Variants in HTR2A observed in about 807,000 individuals in gnomAD.
The protein encoded by HTR2A is 5-hydroxytryptamine receptor 2A.
In HTR2A, 14 loss-of-function variants were observed where a neutral mutation model predicts 31.0. The observed-to-expected ratio is 0.45, with a 90% CI of 0.30 to 0.71. The LOEUF (loss-of-function observed/expected upper bound fraction) is 0.71, where lower values mean the gene tolerates loss of function less well. HTR2A is among the 30% of genes least tolerant of loss of function. The pLI, the probability that HTR2A is intolerant of heterozygous loss-of-function variation, is 0.09. For synonymous variants in HTR2A, 209 were observed against 225.2 expected, an observed-to-expected ratio of 0.93 and a Z score of 0.64; for missense variants, 442 against 573.3, an observed-to-expected ratio of 0.77 and a Z score of 2.34.
intron 3 of HTR2A, among the ~76,000 whole-genome samples, chr13:46,877,495 A>G (rs1950924594): frequency 6.6e-6 from 1 of 152,198 alleles, no homozygotes; most frequent in Non-Finnish European, 1.5e-5. Flanking sequence ...AAAGCAATCT[A>G]AAACTTTTGA....
intron 3 of HTR2A, among the ~76,000 whole-genome samples, chr13:46,888,266 T>C (rs1951025429): frequency 1.3e-5 from 2 of 152,140 alleles, no homozygotes; most frequent in African/African-American, 4.8e-5. Flanking sequence ...AATCAGTACA[T>C]ACACCATGCA....
At chr13:46,840,582 G>C (rs539101906) in intron 3 of HTR2A, among the ~76,000 whole-genome samples, 1 of 152,122 alleles carries the variant, frequency 6.6e-6, no homozygotes, top group African/African-American at 2.4e-5. Flanking sequence ...GGCCTACCAA[G>C]CTTAAGTAAT....
intron 3 of HTR2A, among the ~76,000 whole-genome samples, chr13:46,872,346 T>C (rs1211745230): frequency 2.6e-5 from 4 of 152,236 alleles, no homozygotes; most frequent in Admixed American, 6.5e-5. Flanking sequence ...CCACTCTGTA[T>C]ATTACAAATG....
chr13:46,888,845 A>G (rs1951029357), intron 3 of HTR2A, among the ~76,000 whole-genome samples: 1 of 152,350 alleles, frequency 6.6e-6, no homozygotes, highest in African/African-American at 2.4e-5. Context: ...TCTAAGGTCA[A>G]TAAGGAATGT....
intron 3 of HTR2A, among the ~76,000 whole-genome samples, chr13:46,887,462 CAATT>C (rs1310879827): frequency 6.7e-6 from 1 of 148,780 alleles, no homozygotes; most frequent in African/African-American, 2.5e-5. Context: ...ACACAGTACT[CAATT>C]AAAAAAATTA....
intron 3 of HTR2A, among the ~76,000 whole-genome samples, chr13:46,847,211 G>A (rs1950649308): frequency 6.6e-6 from 1 of 152,334 alleles, no homozygotes; most frequent in African/African-American, 2.4e-5. Context: ...TGTAATTGGG[G>A]CAGTGAGCGG....
intron 3 of HTR2A, among the ~76,000 whole-genome samples, chr13:46,869,283 G>C (rs951524832): frequency 6.6e-6 from 1 of 152,090 alleles, no homozygotes; most frequent in Non-Finnish European, 1.5e-5. Flanking sequence ...AATTTGAATA[G>C]GGATTTCTTC....
At chr13:46,873,062 C>A (rs574735498) in intron 3 of HTR2A, among the ~76,000 whole-genome samples, 43 of 152,230 alleles carry the variant, frequency 2.8e-4, no homozygotes, top group Admixed American at 2.6e-3. Context: ...CTGACTTTGC[C>A]TAGAAAAGTT....
At chr13:46,864,944 GT>G (rs58980985) in intron 3 of HTR2A, among the ~76,000 whole-genome samples, 143,080 of 152,060 alleles carry the variant, frequency 0.94, 67,343 homozygotes, top group South Asian at 0.98. Flanking sequence ...TTGTAAAGAG[GT>G]TTTTTTTTAG....
chr13:46,847,596 C>T (rs1444164545), intron 3 of HTR2A, among the ~76,000 whole-genome samples: 2 of 152,184 alleles, frequency 1.3e-5, no homozygotes, highest in African/African-American at 2.4e-5. Context: ...ATTCAATTAG[C>T]TTGGCACAGG....
chr13:46,868,868 TAAG>T (rs1322558645), intron 3 of HTR2A, among the ~76,000 whole-genome samples: 1 of 152,182 alleles, frequency 6.6e-6, no homozygotes. Flanking sequence ...ATATTCTTAT[TAAG>T]AAGTGTTAGA....
intron 3 of HTR2A, among the ~76,000 whole-genome samples, chr13:46,879,226 G>C (rs141650722): frequency 6.6e-6 from 1 of 152,350 alleles, no homozygotes; most frequent in East Asian, 1.9e-4. Flanking sequence ...TGTGGCTGCT[G>C]ATCCAGAGAG....
In HTR2A at chr13:46,876,566, C is replaced by T. The variant is rs915989461; in HGVS notation, c.613+15824G>A. Among the ~76,000 whole-genome samples the T allele has an allele frequency of 4.0e-5, 6 of 151,308 alleles. No homozygotes were observed. The South Asian group carries it at 6.3e-4, about 16-fold the overall frequency. ...CTGGGACTACAAGCGCCTGCCACCA[C>T]GCCCTACTAATTTTCTTTTTTTTTT... On this transcript the variant is annotated intron_variant, in intron 3 of 3. Coordinates refer to ENST00000542664, the MANE Select transcript of HTR2A (RefSeq NM_000621.5).
At chr13:46,867,309 T>TA (rs1405940587) in intron 3 of HTR2A, among the ~76,000 whole-genome samples, 1 of 152,162 alleles carries the variant, frequency 6.6e-6, no homozygotes, top group African/African-American at 2.4e-5. Flanking sequence ...GCCAAATACT[T>TA]ACTTACATTT....
chr13:46,869,565 C>A (rs1950848428), intron 3 of HTR2A, among the ~76,000 whole-genome samples: 3 of 152,008 alleles, frequency 2.0e-5, no homozygotes, highest in South Asian at 4.1e-4. Context: ...CCAGTAATTC[C>A]ACTCCTAGGT....
chr13:46,861,952 C>T (rs1180252801), intron 3 of HTR2A, among the ~76,000 whole-genome samples: 1 of 152,188 alleles, frequency 6.6e-6, no homozygotes, highest in Non-Finnish European at 1.5e-5. Flanking sequence ...ATTGGATGCA[C>T]ATGGAGATAA....
chr13:46,862,793 A>G (rs1950790677), intron 3 of HTR2A, among the ~76,000 whole-genome samples: 1 of 152,240 alleles, frequency 6.6e-6, no homozygotes, highest in African/African-American at 2.4e-5. Context: ...AACATGTAGA[A>G]AGATACTATA....
upstream of HTR2A, among the ~76,000 whole-genome samples, chr13:46,897,347 A>G (rs1951112781): frequency 6.6e-6 from 1 of 152,158 alleles, no homozygotes; most frequent in South Asian, 2.1e-4. Flanking sequence ...AGTGTCCGGC[A>G]CTTCCATCCA....
chr13:46,835,260 C>T lies in HTR2A; in HGVS notation c.993G>A (p.Leu331=). The change falls in exon 4 of 4, where the codon CTG becomes CTA. Residue 331 remains leucine (L), a synonymous_variant. Coordinates refer to ENST00000542664, the MANE Select transcript of HTR2A (RefSeq NM_000621.5). ...AGAAAGGGCACCACATCACCACAAA[C>T]AGGAAGAAGACGATGCCCAGCACCT... ...ACKVLGIVFF[L]FVVMWCPFFI... The T allele has an allele frequency of 6.2e-7, 1 of 1,614,120 alleles. No homozygotes were observed. Among genetic ancestry groups the T allele is most frequent in the East Asian group, 2.2e-5 (1 of 44,876 alleles).
Sources: allele counts gnomAD v4.1 joint callset (sites outside exome capture counted in the v4.1 genomes callset), GRCh38; gene constraint gnomAD v4.1.1; transcripts MANE v1.5; gene names NCBI Gene and HGNC (gene_info 2026-07-23, HGNC 2026-07-21).